The following PDXDC1 variants were observed in gnomAD, a reference collection of about 807,000 sequenced individuals.
PDXDC1 encodes the protein pyridoxal dependent decarboxylase domain containing 1.
PDXDC1 carries 42 observed loss-of-function variants against 100.1 expected under a neutral mutation model. The ratio of observed to expected loss-of-function variants is 0.42; its 90% CI spans 0.33 to 0.54. The LOEUF (loss-of-function observed/expected upper bound fraction) is 0.54. Among genes scored for constraint, PDXDC1 ranks in the 20% least tolerant of loss-of-function variants. The probability of loss-of-function intolerance (pLI) is 0.10; values close to 1 mark genes in which losing one functional copy is unlikely to be tolerated. For missense variants in PDXDC1, 636 were observed against 979.2 expected, an observed-to-expected ratio of 0.65 and a Z score of 4.68; for synonymous variants, 260 against 371.7, an observed-to-expected ratio of 0.70 and a Z score of 3.46.
the PDXDC1 span, among the ~76,000 whole-genome samples, chr16:15,145,562 G>A: frequency 1.3e-5 from 2 of 152,262 alleles, no homozygotes; most frequent in Admixed American, 6.5e-5. Flanking sequence ...GGAACGCCAG[G>A]CTGGGCCAGG....
At chr16:15,047,065 G>C (rs2044101752) in intron 16 of PDXDC1, among the ~76,000 whole-genome samples, 1 of 152,134 alleles carries the variant, frequency 6.6e-6, no homozygotes, top group African/African-American at 2.4e-5. Flanking sequence ...TGTGTCCCTA[G>C]AAACTACAAG....
rs759786771 is a variant in PDXDC1 at position 14,997,803 on chromosome 16, G to A, written c.72G>A (p.Val24=). Residue 24 remains valine, a synonymous_variant, in exon 2 of 23, where the codon GTG becomes GTA. Transcript: ENST00000396410. ...AEMGKNLKEA[V]KMLEDSQRRT... ...TGGGAAAAAACTTGAAGGAGGCAGTGAAGATGCTGGAGGACAGTCAGAGGT... is the reference window on the plus strand; with the variant it reads ...TGGGAAAAAACTTGAAGGAGGCAGTAAAGATGCTGGAGGACAGTCAGAGGT... The A allele has an allele frequency of 2.7e-5, 43 of 1,610,732 alleles. No individual in the cohort carries two copies. In the Admixed American group the frequency reaches 7.3e-4, roughly 27 times the overall value.
chr16:15,128,535 G>A (rs534674869), intron 16 of PDXDC1: 1 of 635,338 alleles, frequency 1.6e-6, no homozygotes, highest in South Asian at 1.8e-5. Context: ...CATACACGAG[G>A]AGCTGAGGTT....
At chr16:15,014,660 C>G (rs2041644033) in intron 8 of PDXDC1, among the ~76,000 whole-genome samples, 1 of 152,252 alleles carries the variant, frequency 6.6e-6, no homozygotes, top group African/African-American at 2.4e-5. Context: ...TACAAAAGAA[C>G]TACTTTCTTT....
intron 16 of PDXDC1, chr16:15,125,941 G>T: frequency 1.6e-6 from 1 of 631,572 alleles, no homozygotes; most frequent in South Asian, 1.8e-5. Context: ...TGGATATATG[G>T]GACATCTGCA....
chr16:15,146,717 G>C, the PDXDC1 span, among the ~76,000 whole-genome samples: 1 of 152,130 alleles, frequency 6.6e-6, no homozygotes, highest in Non-Finnish European at 1.5e-5. Flanking sequence ...CCCTCAGGCT[G>C]TTACACTCTG....
intron 16 of PDXDC1, chr16:15,110,557 T>C: frequency 1.3e-6 from 2 of 1,587,174 alleles, no homozygotes; most frequent in Non-Finnish European, 1.7e-6. Context: ...CAATTTTAAT[T>C]CCTGGAAAGG....
At chr16:15,135,651 G>A (rs2048313218) in intron 16 of PDXDC1, 8 of 1,591,352 alleles carry the variant, frequency 5.0e-6, no homozygotes, top group South Asian at 1.1e-5. Context: ...GCACTGACCT[G>A]TGTCGAAGCC....
At position 15,086,073 on chromosome 16, in the gene PDXDC1, T is replaced by C. The variant is rs2045905495; in HGVS notation, c.1400-52806T>C. Reference sequence around the variant, plus strand: ...CAGTCTCTCATATATAAGGGGAAGGTAGTATTTTAATAAAGAAGTATTAAA... The same window carrying C: ...CAGTCTCTCATATATAAGGGGAAGGCAGTATTTTAATAAAGAAGTATTAAA... On this transcript the variant is annotated intron_variant, in intron 16 of 16. Coordinates refer to the PDXDC1 transcript ENST00000535621. 1.8e-5 allele frequency: 27 copies of C among 1,514,572 alleles called. 1 individual carries two copies. The highest frequency in any genetic ancestry group is 2.3e-5 in the Non-Finnish European group (26 of 1,111,744). 93.8% of individuals were successfully genotyped at this position (1,514,572 alleles called of 1,614,324 possible).
chr16:15,048,378 TTTTG>T lies in PDXDC1; in HGVS notation c.1399+18338_1399+18341del, dbSNP rs745545400. On this transcript the variant is annotated intron_variant, in intron 16 of 16. Coordinates refer to the PDXDC1 transcript ENST00000535621. ...GATGCAAAAATCCTTTATTATAGTTTTTTGTTTGTTTGTTTGTTTTTTAAAGACA... is the reference window on the plus strand; with the variant it reads ...GATGCAAAAATCCTTTATTATAGTTTTTTGTTTGTTTGTTTTTTAAAGACA... Among the ~76,000 whole-genome samples the T allele has an allele frequency of 1.1e-4, 17 of 152,236 alleles. No homozygotes were observed. In the East Asian group the frequency reaches 1.7e-3, roughly 16 times the overall value.
chr16:15,078,880 C>T (rs1446289236), intron 16 of PDXDC1, among the ~76,000 whole-genome samples: 1 of 149,946 alleles, frequency 6.7e-6, no homozygotes, highest in African/African-American at 2.5e-5. Flanking sequence ...GGCGCAATCT[C>T]GGCTCACTGC....
At chr16:15,031,676 C>G (rs1446037052) in intron 16 of PDXDC1, 59 bp from the exon 17 acceptor site, 12 of 1,442,466 alleles carry the variant, frequency 8.3e-6, no homozygotes, top group Middle Eastern at 2.4e-4. Flanking sequence ...AGAGGGAGCC[C>G]TGCCCTCTTG....
chr16:15,048,048 C>T, intron 16 of PDXDC1: 1 of 1,613,576 alleles, frequency 6.2e-7, no homozygotes, highest in Non-Finnish European at 8.5e-7. Context: ...TACAGAAGGC[C>T]CTGGGGTCCC....
downstream of PDXDC1, among the ~76,000 whole-genome samples, chr16:15,141,875 G>A (rs2048480722): frequency 6.6e-6 from 1 of 152,198 alleles, no homozygotes; most frequent in African/African-American, 2.4e-5. Context: ...TGTGCTGTAA[G>A]GAACTGCAGT....
intron 1 of PDXDC1, among the ~76,000 whole-genome samples, chr16:14,982,488 T>C (rs1968217949): frequency 1.3e-5 from 2 of 152,260 alleles, no homozygotes; most frequent in Admixed American, 1.3e-4. Flanking sequence ...CCAGGTGTGG[T>C]GGCTCACGCC....
chr16:15,104,875 C>A, intron 16 of PDXDC1: 1 of 1,524,580 alleles, frequency 6.6e-7, no homozygotes. Flanking sequence ...CCTTTCCATC[C>A]TCCAGGTTTC....
At chr16:14,988,414 C>A (rs1007939776) in intron 1 of PDXDC1, 1 of 1,614,112 alleles carries the variant, frequency 6.2e-7, no homozygotes, top group African/African-American at 1.3e-5. Context: ...TCCTGCTGAG[C>A]CATGTGCTCA....
chr16:15,071,326 T>C, intron 16 of PDXDC1: 1 of 1,401,526 alleles, frequency 7.1e-7, no homozygotes, highest in Non-Finnish European at 9.7e-7. Context: ...CCCAAGATTT[T>C]TACTTCACCA....
intron 1 of PDXDC1, among the ~76,000 whole-genome samples, chr16:14,990,717 C>G (rs1970584816): frequency 6.6e-6 from 1 of 152,282 alleles, no homozygotes; most frequent in Admixed American, 6.5e-5. Context: ...TGGGCTTACT[C>G]CCTGAAGAGC....
Sources: gnomAD v4.1 joint callset for allele counts (sites outside exome capture counted in the v4.1 genomes callset) on GRCh38, gnomAD v4.1.1 for gene constraint, MANE v1.5 for transcripts, NCBI Gene and HGNC (gene_info 2026-07-23, HGNC 2026-07-21) for gene names.